Variants in SETD1B observed in about 807,000 individuals in gnomAD.
The protein encoded by SETD1B is histone-lysine N-methyltransferase SETD1B.
In SETD1B, 7 loss-of-function variants were observed where a neutral mutation model predicts 148.0. The ratio of observed to expected loss-of-function variants is 0.05; its 90% CI spans 0.03 to 0.09. SETD1B has a LOEUF of 0.09. SETD1B is among the 10% of genes least tolerant of loss of function. SETD1B has a pLI of 1.00. For synonymous variants in SETD1B, 1,361 were observed against 1,186.5 expected, an observed-to-expected ratio of 1.15 and a Z score of -3.02; for missense variants, 2,155 against 2,729.9, an observed-to-expected ratio of 0.79 and a Z score of 4.69.
chr12:121,808,832 G>T lies in SETD1B; in HGVS notation c.657+512G>T, dbSNP rs1043448620. ...CATGCCAGCTCCTCCCTGGCATCAG[G>T]CTGACTAGCTGCCACTGGCCTGTTC... is the stretch of plus-strand genomic sequence containing the variant. On this transcript the variant is annotated intron_variant, in intron 5 of 16. Transcript: ENST00000604567. This position sits in a 1 kb window ranked among gnomAD's most constrained non-coding sequence, Gnocchi z 5.3. Among the ~76,000 whole-genome samples the T allele has an allele frequency of 6.6e-6, 1 of 152,168 alleles. No individual in the cohort carries two copies. The highest frequency in any genetic ancestry group is 2.4e-5 in the African/African-American group (1 of 41,444).
At chr12:121,828,259 C>T (rs1876937366) in intron 16 of SETD1B, among the ~76,000 whole-genome samples, 189 bp downstream of exon 16, 1 of 152,258 alleles carries the variant, frequency 6.6e-6, no homozygotes. Context: ...CTCTGAGCCT[C>T]AGTTTCTCAT....
intron 13 of SETD1B, 33 bp from the exon 14 acceptor site, chr12:121,827,486 G>C: frequency 1.3e-6 from 2 of 1,505,762 alleles, no homozygotes; most frequent in Non-Finnish European, 1.8e-6. Flanking sequence ...GACACGGCCA[G>C]CTCCGCTGAG....
chr12:121,792,229 C>G, the SETD1B span, among the ~76,000 whole-genome samples: 1 of 152,252 alleles, frequency 6.6e-6, no homozygotes, highest in Non-Finnish European at 1.5e-5. Flanking sequence ...CAAGGCTTGG[C>G]TGGCCGGAGA....
chr12:121,806,188 C>A, intron 4 of SETD1B, 83 bp downstream of exon 4: 1 of 1,407,122 alleles, frequency 7.1e-7, no homozygotes, highest in Non-Finnish European at 9.6e-7. Flanking sequence ...GTGGGGAGGA[C>A]CCCCCCTCAC....
rs1334578854 is a variant in SETD1B, at chr12:121,817,089, C to G, written c.2772C>G (p.Pro924=). Residue 924 remains proline, a synonymous_variant, in exon 8 of 17, where the codon CCC becomes CCG. Coordinates refer to ENST00000604567, the MANE Select transcript of SETD1B (RefSeq NM_001353345.2). The surrounding 1 kb of genome is among the most constrained non-coding windows in gnomAD (Gnocchi z 8.1). The part of the protein sequence containing the change: ...GEHKDEDRPK[P]KDRIASCLLE... ...ACAAGGACGAGGACAGGCCGAAGCCCAAGGACCGCATCGCCTCGTGCCTGC... is the reference window on the plus strand; with the variant it reads ...ACAAGGACGAGGACAGGCCGAAGCCGAAGGACCGCATCGCCTCGTGCCTGC... 3 of 1,548,782 alleles carry G rather than the reference C, an allele frequency of 1.9e-6. No individual in the cohort carries two copies. Among genetic ancestry groups the G allele is most frequent in the Non-Finnish European group, 2.6e-6 (3 of 1,146,310 alleles).
Position 121,823,237 on chromosome 12 carries a change from C to T in SETD1B, c.4658C>T (p.Pro1553Leu), listed in dbSNP as rs1876665265. 2 of 1,549,710 alleles carry T rather than the reference C, an allele frequency of 1.3e-6. No individual in the cohort carries two copies. Among genetic ancestry groups the T allele is most frequent in the South Asian group, 1.2e-5 (1 of 84,062 alleles). ...AALGRELLLL[P>L]GQPQTPVFPS... The stretch of plus-strand genomic sequence containing the variant: ...CTTGGAAGGGAACTCCTGCTCCTGC[C>T]GGGCCAGCCACAGACCCCCGTCTTC... Residue 1553 changes from proline to leucine, a missense_variant, in exon 12 of 17, where the codon CCG (proline) becomes CTG (leucine). Coordinates refer to ENST00000604567, the MANE Select transcript of SETD1B (RefSeq NM_001353345.2).
At chr12:121,793,684 A>T in the SETD1B span, 200 of 1,461,054 alleles carry the variant, frequency 1.4e-4, no homozygotes, top group Non-Finnish European at 1.7e-4. Flanking sequence ...TAGCGGAGCC[A>T]AGAGGTCGGG....
At position 121,831,653 on chromosome 12, in the gene SETD1B, C is replaced by T. The variant is rs1229117010; in HGVS notation, c.*1414C>T. 6.6e-6 allele frequency: 1 copy of T among 151,986 alleles called. No individual in the cohort carries two copies. Among genetic ancestry groups the T allele is most frequent in the African/African-American group, 2.4e-5 (1 of 41,378 alleles). 9.4% of individuals were successfully genotyped at this position (151,986 alleles called of 1,614,324 possible). A position where few individuals can be genotyped will look rare whatever the true frequency, so the allele number is the denominator to read the frequency against. ...AAGGAAAAAAAAGACAAAAGCAAGT[C>T]CCCCCGTACCCCAGAAAGCAGAGGA... is the stretch of plus-strand genomic sequence containing the variant. On this transcript the variant is annotated 3_prime_UTR_variant, in exon 17 of 17. Coordinates refer to ENST00000604567, the MANE Select transcript of SETD1B (RefSeq NM_001353345.2).
intron 6 of SETD1B, among the ~76,000 whole-genome samples, chr12:121,813,328 CA>C (rs1876131079): frequency 5.0e-5 from 7 of 141,372 alleles, no homozygotes; most frequent in African/African-American, 7.7e-5. Context: ...TAAATAACAA[CA>C]CACTTCCTGT....
At chr12:121,803,927 C>G, upstream of SETD1B, 1 of 156,626 alleles carries the variant, frequency 6.4e-6, no homozygotes, top group Non-Finnish European at 1.4e-5. The surrounding 1 kb of genome is among the most constrained non-coding windows in gnomAD (Gnocchi z 4.7). Flanking sequence ...GGGGAAGCGG[C>G]GAGGAAGGAG....
chr12:121,819,061 A>G (rs913675821), intron 10 of SETD1B, among the ~76,000 whole-genome samples: 6 of 151,804 alleles, frequency 4.0e-5, no homozygotes, highest in Non-Finnish European at 8.8e-5. Flanking sequence ...CCTGGCTAAC[A>G]TGGTGAAACC....
rs1413989463 is a variant in SETD1B at position 121,814,794 on chromosome 12, C to T, written c.2579C>T (p.Thr860Met). The stretch of plus-strand genomic sequence containing the variant: ...CGCCAGGAGGACCCACACAAAGCCA[C>T]GGTGGATGGCGTCCTGCTGGTGGTC... ...MPRQEDPHKA[T>M]VDGVLLVVLK... is the part of the protein sequence containing the mutation. The change falls in exon 7 of 17, where the codon ACG (threonine) becomes ATG (methionine). Residue 860 changes from threonine to methionine, a missense_variant. By Grantham distance (81) the Thr-to-Met change is moderately conservative (BLOSUM62 -1). Around this residue, in one of 11 missense-constraint regions of SETD1B, gnomAD observed 289 missense variants for 423.7 expected, o/e 0.68. Transcript: ENST00000604567. 1 of 1,551,556 alleles carries T rather than the reference C, an allele frequency of 6.4e-7. No individual in the cohort carries two copies. The highest frequency in any genetic ancestry group is 8.7e-7 in the Non-Finnish European group (1 of 1,146,992).
chr12:121,827,806 C>T lies in SETD1B; in HGVS notation c.5541C>T (p.Ile1847=), dbSNP rs748743867. 6.8e-5 allele frequency: 106 copies of T among 1,559,086 alleles called. No individual in the cohort carries two copies. The highest frequency in any genetic ancestry group is 8.6e-5 in the Non-Finnish European group (99 of 1,150,778). ...GGGGCTTGTTCGCCATGGAGCCCAT[C>T]GCGGCTGACGAGATGGTCATCGAGT... is the stretch of plus-strand genomic sequence containing the variant. ...HDWGLFAMEP[I]AADEMVIEYV... is the part of the protein sequence containing the mutation. The change falls in exon 15 of 17, where the codon ATC becomes ATT. Residue 1847 remains isoleucine (I), a synonymous_variant. Transcript: ENST00000604567.
In SETD1B at chr12:121,808,419, C is replaced by T. The variant is rs1037563835; in HGVS notation, c.657+99C>T. Reference sequence around the variant, plus strand: ...ACTCTCTTATGGGACCCCCAGCCTACCCCCACCTCACTCCAGCTTTGGAGA... The same window carrying T: ...ACTCTCTTATGGGACCCCCAGCCTATCCCCACCTCACTCCAGCTTTGGAGA... On this transcript the variant is annotated intron_variant, in intron 5 of 16. Coordinates refer to ENST00000604567, the MANE Select transcript of SETD1B (RefSeq NM_001353345.2). The surrounding 1 kb of genome is among the most constrained non-coding windows in gnomAD (Gnocchi z 5.3). The T allele has an allele frequency of 1.4e-6, 1 of 719,608 alleles. No homozygotes were observed. Among genetic ancestry groups the T allele is most frequent in the East Asian group, 2.8e-5 (1 of 35,658 alleles). 44.6% of individuals were successfully genotyped at this position (719,608 alleles called of 1,614,324 possible).
chr12:121,793,168 G>A, the SETD1B span: 3 of 1,550,344 alleles, frequency 1.9e-6, no homozygotes, highest in Non-Finnish European at 1.7e-6. Flanking sequence ...TGTCGTAGAG[G>A]TTCAGGGTCA....
At chr12:121,792,257 G>A in the SETD1B span, among the ~76,000 whole-genome samples, 1 of 152,218 alleles carries the variant, frequency 6.6e-6, no homozygotes, top group African/African-American at 2.4e-5. Flanking sequence ...CGGATGACGT[G>A]GTTCCCTGCA....
Position 121,822,826 on chromosome 12 carries a change from G to T in SETD1B, c.4247G>T (p.Ser1416Ile). The T allele has an allele frequency of 6.7e-7, 1 of 1,497,722 alleles. No homozygotes were observed. 92.8% of individuals were successfully genotyped at this position (1,497,722 alleles called of 1,614,324 possible). A position where few individuals can be genotyped will look rare whatever the true frequency, so the allele number is the denominator to read the frequency against. The stretch of plus-strand genomic sequence containing the variant: ...TTCTCCTACCCAGCCCCGTCCCCTA[G>T]CTTGAGCAGTGGGGGCCTCCCTCGG... ...SPFSYPAPSPSLSSGGLPRTP... is the reference protein window; with the variant it reads ...SPFSYPAPSPILSSGGLPRTP... The change falls in exon 12 of 17, where the codon AGC becomes ATC. Residue 1416 changes from serine (S) to isoleucine (I), a missense_variant. Around this residue, in one of 11 missense-constraint regions of SETD1B, gnomAD observed 862 missense variants for 873.8 expected, o/e 0.99. Coordinates refer to ENST00000604567, the MANE Select transcript of SETD1B (RefSeq NM_001353345.2).
At chr12:121,799,736 T>TGGGGGGGGTGGGGGGGGG (rs1459030938), upstream of SETD1B, 1 of 30,934 alleles carries the variant, frequency 3.2e-5, no homozygotes, top group Non-Finnish European at 6.9e-5. Context: ...GGGGGTGGGG[T>TGGGGGGGGTGGGGGGGGG]GGGGCGGGGC....
intron 13 of SETD1B, 145 bp from the exon 14 acceptor site, chr12:121,827,374 A>C: frequency 1.1e-6 from 1 of 939,808 alleles, no homozygotes; most frequent in Non-Finnish European, 1.5e-6. Flanking sequence ...GAGGCAGGGA[A>C]GCGGTGACAA....
Sources: gnomAD v4.1 joint callset for allele counts (sites outside exome capture counted in the v4.1 genomes callset) on GRCh38, gnomAD v4.1.1 for gene constraint, gnomAD v4.1.1 regional missense constraint, Gnocchi (gnomAD v3.1) non-coding constraint, MANE v1.5 for transcripts, NCBI Gene and HGNC (gene_info 2026-07-23, HGNC 2026-07-21) for gene names.